Variants in GPD1L observed in about 807,000 individuals in gnomAD.
GPD1L encodes the protein glycerol-3-phosphate dehydrogenase 1 like, also known as glycerol-3-phosphate dehydrogenase 1-like protein.
GPD1L carries 17 observed loss-of-function variants against 32.9 expected under a neutral mutation model. That is an observed-to-expected ratio of 0.52 (90% CI 0.35 to 0.78). The LOEUF (loss-of-function observed/expected upper bound fraction) is 0.78. Ranked by LOEUF, GPD1L falls within the 30% of genes least tolerant of loss-of-function variation. GPD1L has a pLI of 0.01. For synonymous variants in GPD1L, 187 were observed against 165.9 expected, an observed-to-expected ratio of 1.13 and a Z score of -0.98; for missense variants, 361 against 447.8, an observed-to-expected ratio of 0.81 and a Z score of 1.75.
chr3:32,149,141 C>A (rs1353865046), intron 5 of GPD1L, among the ~76,000 whole-genome samples: 1 of 152,182 alleles, frequency 6.6e-6, no homozygotes, highest in Non-Finnish European at 1.5e-5. Context: ...CTCATTGCAA[C>A]CTCAGCCTCC....
At chr3:32,165,255 A>AT in intron 7 of GPD1L, among the ~76,000 whole-genome samples, 1 of 152,178 alleles carries the variant, frequency 6.6e-6, no homozygotes, top group Non-Finnish European at 1.5e-5. Flanking sequence ...TTCTTTAGTG[A>AT]TTTTTCACTT....
Position 32,139,367 on chromosome 3 carries a change from G to T in GPD1L, c.366+640G>T, listed in dbSNP as rs544661948. Among the ~76,000 whole-genome samples, 6 of 152,162 alleles carry T rather than the reference G, an allele frequency of 3.9e-5. No individual in the cohort carries two copies. In the South Asian group the frequency reaches 1.2e-3, roughly 32 times the overall value. The stretch of plus-strand genomic sequence containing the variant: ...GTATCATTTATACTCATCACTACTT[G>T]GAAATTGTGGTAATTGTTAGACCTG... On this transcript the variant is annotated intron_variant, in intron 3 of 7. Coordinates refer to ENST00000282541, the MANE Select transcript of GPD1L (RefSeq NM_015141.4).
At chr3:32,146,802 C>T in intron 5 of GPD1L, 68 bp downstream of exon 5, 1 of 873,044 alleles carries the variant, frequency 1.1e-6, no homozygotes, top group Non-Finnish European at 2.0e-6. Flanking sequence ...GTCTAATCCT[C>T]AAGAATGGGC....
chr3:32,140,467 C>A, intron 4 of GPD1L, 101 bp downstream of exon 4: 2 of 1,350,842 alleles, frequency 1.5e-6, no homozygotes, highest in Non-Finnish European at 1.1e-6. Context: ...TCTTCCCTGT[C>A]CCTCTTAACA....
At chr3:32,128,401 ACT>A (rs1220261938) in intron 2 of GPD1L, 148 bp downstream of exon 2, 1 of 726,066 alleles carries the variant, frequency 1.4e-6, no homozygotes, top group African/African-American at 1.8e-5. Context: ...GGTCTTCCTG[ACT>A]CTGAAAATGG....
intron 5 of GPD1L, among the ~76,000 whole-genome samples, chr3:32,155,410 A>G (rs1187527881): frequency 6.6e-6 from 1 of 152,202 alleles, no homozygotes. Context: ...CTCTGTTGAC[A>G]GGAGCCCCTT....
intron 5 of GPD1L, among the ~76,000 whole-genome samples, chr3:32,156,525 A>G (rs964218819): frequency 6.6e-6 from 1 of 152,216 alleles, no homozygotes; most frequent in African/African-American, 2.4e-5. Context: ...AGCCCTCTTC[A>G]TTCCACATCA....
chr3:32,136,094 G>T (rs1325735229), intron 2 of GPD1L, among the ~76,000 whole-genome samples: 1 of 152,180 alleles, frequency 6.6e-6, no homozygotes, highest in Admixed American at 6.5e-5. Context: ...CTGGCTTCAG[G>T]TGTAGCCTGA....
chr3:32,144,437 C>G (rs541233314), intron 4 of GPD1L, among the ~76,000 whole-genome samples: 1 of 152,284 alleles, frequency 6.6e-6, no homozygotes, highest in Non-Finnish European at 1.5e-5. Flanking sequence ...TACATAAGCT[C>G]CTTATGGAAC....
At chr3:32,133,354 T>C (rs1700614133) in intron 2 of GPD1L, among the ~76,000 whole-genome samples, 1 of 152,238 alleles carries the variant, frequency 6.6e-6, no homozygotes, top group Non-Finnish European at 1.5e-5. Flanking sequence ...GTCATTACTA[T>C]GATGTTGCTA....
chr3:32,120,947 G>A (rs1228328367), intron 1 of GPD1L, among the ~76,000 whole-genome samples: 1 of 152,126 alleles, frequency 6.6e-6, no homozygotes, highest in Non-Finnish European at 1.5e-5. Context: ...TGGAGGCGGG[G>A]AGGGCATTGC....
chr3:32,165,688 A>C (rs1701136294), intron 7 of GPD1L, 126 bp from the exon 8 acceptor site: 1 of 713,432 alleles, frequency 1.4e-6, no homozygotes, highest in Non-Finnish European at 2.6e-6. Flanking sequence ...AGGAATGTAG[A>C]AAGTGCTCAC....
intron 7 of GPD1L, among the ~76,000 whole-genome samples, chr3:32,163,360 G>A (rs991324349): frequency 6.6e-6 from 1 of 151,796 alleles, no homozygotes; most frequent in Non-Finnish European, 1.5e-5. Flanking sequence ...AGTAGAGACG[G>A]GGTTTCACTG....
intron 1 of GPD1L, among the ~76,000 whole-genome samples, chr3:32,120,193 C>T (rs1435906416): frequency 2.0e-5 from 3 of 152,108 alleles, no homozygotes; most frequent in Non-Finnish European, 2.9e-5. Context: ...TGGCGCGTGC[C>T]TGTAGTCCCA....
At chr3:32,162,978 C>T (rs971741740) in intron 7 of GPD1L, among the ~76,000 whole-genome samples, 3 of 151,638 alleles carry the variant, frequency 2.0e-5, no homozygotes, top group African/African-American at 7.3e-5. Context: ...AGGCTGGTCT[C>T]GAACTCCTGG....
chr3:32,110,873 TTTG>T (rs1419856331), intron 1 of GPD1L, among the ~76,000 whole-genome samples: 2 of 152,320 alleles, frequency 1.3e-5, no homozygotes, highest in African/African-American at 4.8e-5. Context: ...TTTTTTTGTT[TTTG>T]TTGTTGTTGA....
chr3:32,110,818 A>G (rs942215094), intron 1 of GPD1L, among the ~76,000 whole-genome samples: 1 of 152,232 alleles, frequency 6.6e-6, no homozygotes, highest in African/African-American at 2.4e-5. Flanking sequence ...GAAAAACAAC[A>G]AAAGCTTCTC....
chr3:32,145,682 G>A (rs1700809611), intron 4 of GPD1L, among the ~76,000 whole-genome samples: 1 of 152,132 alleles, frequency 6.6e-6, no homozygotes, highest in Non-Finnish European at 1.5e-5. Context: ...AGGGGCCAGG[G>A]GCTGGTTTAC....
chr3:32,107,472 G>A (rs1018174574), intron 1 of GPD1L, among the ~76,000 whole-genome samples: 3 of 152,178 alleles, frequency 2.0e-5, no homozygotes, highest in Admixed American at 2.0e-4. Flanking sequence ...CGTACACTGT[G>A]GGATTCTCTG....
Sources: gnomAD v4.1 joint callset for allele counts (sites outside exome capture counted in the v4.1 genomes callset) on GRCh38, gnomAD v4.1.1 for gene constraint, MANE v1.5 for transcripts, NCBI Gene and HGNC (gene_info 2026-07-23, HGNC 2026-07-21) for gene names.